PSMD2: variants seen among roughly 807,000 people sequenced by gnomAD.
The protein encoded by PSMD2 is 26S proteasome non-ATPase regulatory subunit 2.
Under a neutral mutation model 101.5 loss-of-function variants are expected in PSMD2, and 8 were observed. The observed-to-expected ratio is 0.08, with a 90% CI of 0.05 to 0.14. The LOEUF (loss-of-function observed/expected upper bound fraction) is 0.14. Ranked by LOEUF, PSMD2 falls within the 10% of genes least tolerant of loss-of-function variation. The pLI, the probability that PSMD2 is intolerant of heterozygous loss-of-function variation, is 1.00. For synonymous variants in PSMD2, 418 were observed against 433.8 expected (o/e 0.96, Z 0.45); for missense variants, 784 against 1,147.4 (o/e 0.68, Z 4.58).
chr3:184,305,324 A>G (rs999448367), intron 12 of PSMD2, among the ~76,000 whole-genome samples: 2 of 152,156 alleles, frequency 1.3e-5, no homozygotes, highest in Non-Finnish European at 2.9e-5. Flanking sequence ...CCCTGTCTCT[A>G]TTAAAAATAC....
chr3:184,304,237 C>G lies in PSMD2; in HGVS notation c.1452-67C>G. 6.4e-7 allele frequency: 1 copy of G among 1,566,156 alleles called. No individual in the cohort carries two copies. The stretch of plus-strand genomic sequence containing the variant: ...AAATGGTGAATGAATGACCGATTCT[C>G]CTTTTGTTCTTTTCTTGCTGCATCG... On this transcript the variant is annotated intron_variant, in intron 11 of 20. Transcript: ENST00000310118. The surrounding 1 kb of genome is among the most constrained non-coding windows in gnomAD (Gnocchi z 4.1).
At chr3:184,299,578 C>T in intron 1 of PSMD2, 177 bp downstream of exon 1, 6 of 954,558 alleles carry the variant, frequency 6.3e-6, no homozygotes, top group East Asian at 2.9e-5. Context: ...TCCGCGCTGT[C>T]ACCTCCGCCG....
chr3:184,304,978 TAACAC>T lies in PSMD2; in HGVS notation c.1539+589_1539+593del, dbSNP rs968946698. Among the ~76,000 whole-genome samples the T allele has an allele frequency of 3.6e-4, 55 of 152,226 alleles. No individual in the cohort carries two copies. The highest frequency in any genetic ancestry group is 1.2e-3 in the African/African-American group (48 of 41,454). ...ACTTGGACTAGAGTGAAGTGTAACT[TAACAC>T]AGCCTGGGGTTGATGATTCTCCTTA... On this transcript the variant is annotated intron_variant, in intron 12 of 20. Coordinates refer to ENST00000310118, the MANE Select transcript of PSMD2 (RefSeq NM_002808.5). This position sits in a 1 kb window ranked among gnomAD's most constrained non-coding sequence, Gnocchi z 4.1.
chr3:184,302,923 T>G (rs1188453514), intron 7 of PSMD2, 79 bp from the exon 8 acceptor site: 2 of 1,609,272 alleles, frequency 1.2e-6, no homozygotes, highest in Non-Finnish European at 8.5e-7. Flanking sequence ...TTGATTAGAA[T>G]TGCCATTCAG....
In PSMD2 at chr3:184,307,538, CAGA is replaced by C. The variant is rs768019975; in HGVS notation, c.2203+19_2203+21del. 8.1e-6 allele frequency: 13 copies of C among 1,614,030 alleles called. 1 individual carries two copies. Among genetic ancestry groups the C allele is most frequent in the South Asian group, 2.2e-5 (2 of 91,086 alleles). The stretch of plus-strand genomic sequence containing the variant: ...ATGGTGGGCAGTGGTGAGTATCCGG[CAGA>C]AGAAGGTCATAAACAGATTGGGGGA... On this transcript the variant is annotated intron_variant, in intron 17 of 20. Coordinates refer to ENST00000310118, the MANE Select transcript of PSMD2 (RefSeq NM_002808.5).
At position 184,300,574 on chromosome 3, in the gene PSMD2, C is replaced by T. The variant is rs912086059; in HGVS notation, c.357+130C>T. 90 of 1,448,226 alleles carry T rather than the reference C, an allele frequency of 6.2e-5. No homozygotes were observed. The African/African-American group carries it at 1.1e-3, about 17-fold the overall frequency. 89.7% of individuals were successfully genotyped at this position (1,448,226 alleles called of 1,614,324 possible). A position where few individuals can be genotyped will look rare whatever the true frequency, so the allele number is the denominator to read the frequency against. ...CGTGATCTATTTGAGCAGAGTTCAT[C>T]ACAGTCAAAATATCTACAGAAGAGC... On this transcript the variant is annotated intron_variant, in intron 3 of 20. Transcript: ENST00000310118.
chr3:184,305,361 C>T (rs1322909515), intron 12 of PSMD2, among the ~76,000 whole-genome samples: 1 of 151,992 alleles, frequency 6.6e-6, no homozygotes, highest in African/African-American at 2.4e-5. Flanking sequence ...TGGTGGCGCG[C>T]ACCTATAGTC....
At position 184,307,648 on chromosome 3, in the gene PSMD2, C is replaced by T. The variant is rs780876215; in HGVS notation, c.2238C>T (p.Arg746=). Residue 746 remains arginine, a synonymous_variant, in exon 18 of 21, where the codon CGC becomes CGT. Coordinates refer to ENST00000310118, the MANE Select transcript of PSMD2 (RefSeq NM_002808.5). ...ATGCCCGTCTGGCTGCAATGCTGCG[C>T]CAGTTAGCTCAATATCATGCCAAGG... is the stretch of plus-strand genomic sequence containing the variant. ...TNNARLAAML[R]QLAQYHAKDP... The T allele has an allele frequency of 1.5e-5, 24 of 1,614,032 alleles. No individual in the cohort carries two copies. Among genetic ancestry groups the T allele is most frequent in the Non-Finnish European group, 1.9e-5 (23 of 1,180,048 alleles).
intron 1 of PSMD2, chr3:184,299,614 C>A: frequency 2.8e-6 from 2 of 711,722 alleles, no homozygotes; most frequent in Non-Finnish European, 4.3e-6. Context: ...ACCACCGCCG[C>A]GTGAAGTGGA....
chr3:184,306,935 T>G (rs1721852159), intron 16 of PSMD2, 101 bp downstream of exon 16: 3 of 914,020 alleles, frequency 3.3e-6, no homozygotes, highest in Non-Finnish European at 5.1e-6. Context: ...AGAGCTGGTC[T>G]TTTTGCTGTG....
chr3:184,302,448 C>T lies in PSMD2; in HGVS notation c.783C>T (p.Arg261=). ...TGGGTGTGTTCCGAAAGTTTAGCCG[C>T]TTCCCTGAAGCTCTGAGATTGGCAT... ...CALGVFRKFS[R]FPEALRLALM... The change falls in exon 6 of 21, where the codon CGC becomes CGT. Residue 261 remains arginine (R), a synonymous_variant. Coordinates refer to ENST00000310118, the MANE Select transcript of PSMD2 (RefSeq NM_002808.5). 1 of 1,614,194 alleles carries T rather than the reference C, an allele frequency of 6.2e-7. No individual in the cohort carries two copies. Among genetic ancestry groups the T allele is most frequent in the Non-Finnish European group, 8.5e-7 (1 of 1,180,034 alleles).
intron 8 of PSMD2, 77 bp from the exon 9 acceptor site, chr3:184,303,243 C>G (rs1394829708): frequency 6.4e-7 from 1 of 1,555,630 alleles, no homozygotes; most frequent in Non-Finnish European, 8.7e-7. Flanking sequence ...GAACCAGAGA[C>G]CAGTTGCCAT....
chr3:184,306,864 T>C, intron 16 of PSMD2, 30 bp downstream of exon 16: 1 of 1,585,606 alleles, frequency 6.3e-7, no homozygotes, highest in Non-Finnish European at 8.6e-7. Context: ...AATTGGAATA[T>C]ACTGGTTTTG....
chr3:184,300,782 G>A (rs1348040326), intron 3 of PSMD2: 2 of 495,624 alleles, frequency 4.0e-6, no homozygotes, highest in South Asian at 1.1e-4. Context: ...CTGCCTGCTG[G>A]TACAACCCTA....
Position 184,308,619 on chromosome 3 carries a change from ATG to A in PSMD2, c.2544+54_2544+55del. ...TCAGGCTGTATTCTCAAACTGGAGA[ATG>A]TACATATACTTGCTTTGCTGAAACT... On this transcript the variant is annotated intron_variant, in intron 20 of 20. Transcript: ENST00000310118. This position sits in a 1 kb window ranked among gnomAD's most constrained non-coding sequence, Gnocchi z 6.0. 6.3e-7 allele frequency: 1 copy of A among 1,588,258 alleles called. No homozygotes were observed. Among genetic ancestry groups the A allele is most frequent in the Non-Finnish European group, 8.6e-7 (1 of 1,158,456 alleles).
At chr3:184,303,574 A>G (rs747277191) in intron 9 of PSMD2, 69 bp from the exon 10 acceptor site, 7 of 1,608,572 alleles carry the variant, frequency 4.4e-6, no homozygotes, top group Non-Finnish European at 5.1e-6. Context: ...TTCTTTGGAG[A>G]GCTCTTTATA....
At chr3:184,303,299 T>C in intron 8 of PSMD2, 21 bp from the exon 9 acceptor site, 2 of 1,605,106 alleles carry the variant, frequency 1.2e-6, no homozygotes, top group Admixed American at 1.7e-5. Flanking sequence ...TTCCTTACTT[T>C]TCCTCTCCCT....
chr3:184,306,061 T>G lies in PSMD2; in HGVS notation c.1710T>G (p.Gly570=). The G allele has an allele frequency of 6.2e-7, 1 of 1,614,044 alleles. No homozygotes were observed. Among genetic ancestry groups the G allele is most frequent in the Non-Finnish European group, 8.5e-7 (1 of 1,180,018 alleles). The stretch of plus-strand genomic sequence containing the variant: ...CTTGAATCTGTCCTGTAGGGAAGGG[T>G]GAGGCCATCGAGGCAATCCTGGCTG... ...LGLGLNHLGK[G]EAIEAILAAL... Residue 570 remains glycine (G), a synonymous_variant, in exon 14 of 21, where the codon GGT becomes GGG. Coordinates refer to ENST00000310118, the MANE Select transcript of PSMD2 (RefSeq NM_002808.5).
At chr3:184,299,485 C>CT in intron 1 of PSMD2, 84 bp downstream of exon 1, 10 of 1,307,844 alleles carry the variant, frequency 7.6e-6, no homozygotes, top group Non-Finnish European at 9.7e-6. Flanking sequence ...CGACACCCAA[C>CT]TACCCCACCG....
Sources: allele counts gnomAD v4.1 joint callset (sites outside exome capture counted in the v4.1 genomes callset), GRCh38; gene constraint gnomAD v4.1.1; non-coding constraint Gnocchi (gnomAD v3.1); transcripts MANE v1.5; gene names NCBI Gene and HGNC (gene_info 2026-07-23, HGNC 2026-07-21).